The following CSMD1 variants were observed in gnomAD, a reference collection of about 807,000 sequenced individuals.
CSMD1 encodes CUB and Sushi multiple domains 1, also known as CUB and sushi domain-containing protein 1.
Under a neutral mutation model 417.5 loss-of-function variants are expected in CSMD1, and 213 were observed. That is an observed-to-expected ratio of 0.51 (90% CI 0.46 to 0.57). The LOEUF (loss-of-function observed/expected upper bound fraction) is 0.57. Among genes scored for constraint, CSMD1 ranks in the 20% least tolerant of loss-of-function variants. The pLI, the probability that CSMD1 is intolerant of heterozygous loss-of-function variation, is 0.00. For missense variants in CSMD1, 6,923 were observed against 4,529.7 expected (o/e 1.53, Z -15.17); for synonymous variants, 2,862 against 1,736.8 (o/e 1.65, Z -16.11).
chr8:3,984,927 T>G (rs1223813648), intron 5 of CSMD1, among the ~76,000 whole-genome samples: 1 of 151,934 alleles, frequency 6.6e-6, no homozygotes, highest in Non-Finnish European at 1.5e-5. Flanking sequence ...TGTAGTTCAT[T>G]ATAAGCCTTT....
At chr8:4,856,517 AC>A (rs999630197) in intron 1 of CSMD1, among the ~76,000 whole-genome samples, 26 of 139,420 alleles carry the variant, frequency 1.9e-4, no homozygotes, top group Admixed American at 1.3e-3. Flanking sequence ...TATTCAGGAA[AC>A]CCATCTCACG....
chr8:4,139,304 C>G (rs377456528), intron 3 of CSMD1, among the ~76,000 whole-genome samples: 42,880 of 148,206 alleles, frequency 0.29, 8,078 homozygotes, highest in Non-Finnish European at 0.38. Flanking sequence ...TTACAGCTGT[C>G]GTTATACTTA....
At chr8:3,700,053 G>C (rs993195034) in intron 7 of CSMD1, among the ~76,000 whole-genome samples, 4 of 152,308 alleles carry the variant, frequency 2.6e-5, no homozygotes, top group African/African-American at 9.6e-5. Context: ...GAACAAAGTA[G>C]AAAATATGCC....
chr8:3,652,077 C>T (rs1037408028), intron 7 of CSMD1, among the ~76,000 whole-genome samples: 28 of 149,586 alleles, frequency 1.9e-4, no homozygotes, highest in South Asian at 1.7e-3. Flanking sequence ...CCCATCAGAG[C>T]GCTTACCACC....
intron 7 of CSMD1, among the ~76,000 whole-genome samples, chr8:3,652,830 G>C (rs1366568502): frequency 1.3e-5 from 2 of 152,120 alleles, no homozygotes; most frequent in Admixed American, 6.5e-5. Context: ...ACTTTGTTTT[G>C]CTCACTACCG....
intron 3 of CSMD1, among the ~76,000 whole-genome samples, chr8:4,156,189 T>G (rs1364022754): frequency 6.6e-6 from 1 of 152,190 alleles, no homozygotes; most frequent in Non-Finnish European, 1.5e-5. Context: ...GAACAAGGTT[T>G]CATATCTGGA....
chr8:3,391,782 C>A (rs182271157), intron 17 of CSMD1, among the ~76,000 whole-genome samples: 2 of 152,316 alleles, frequency 1.3e-5, no homozygotes, highest in African/African-American at 4.8e-5. Flanking sequence ...ATTTCTGCAA[C>A]ACATTTTGTC....
intron 1 of CSMD1, among the ~76,000 whole-genome samples, chr8:4,880,858 T>C (rs1192547309): frequency 1.3e-5 from 2 of 152,276 alleles, no homozygotes; most frequent in East Asian, 3.9e-4. Flanking sequence ...TGATCTAAGC[T>C]ATTTAGTATT....
chr8:4,082,206 C>T (rs1800175009), intron 3 of CSMD1, among the ~76,000 whole-genome samples: 1 of 151,900 alleles, frequency 6.6e-6, no homozygotes, highest in Non-Finnish European at 1.5e-5. Flanking sequence ...AAATTTTTCC[C>T]CAAAATTATG....
At chr8:3,528,558 A>T (rs1405383613) in intron 10 of CSMD1, among the ~76,000 whole-genome samples, 4 of 152,018 alleles carry the variant, frequency 2.6e-5, no homozygotes, top group Non-Finnish European at 4.4e-5. Context: ...TTAATCAAAC[A>T]AAGTGTTTTG....
chr8:4,167,823 C>A (rs927453497), intron 3 of CSMD1, among the ~76,000 whole-genome samples: 1 of 152,076 alleles, frequency 6.6e-6, no homozygotes, highest in Non-Finnish European at 1.5e-5. Context: ...GACTCCATCT[C>A]TACCAAGAAT....
At chr8:3,347,121 C>T (rs147303920) in intron 22 of CSMD1, among the ~76,000 whole-genome samples, 21 of 152,304 alleles carry the variant, frequency 1.4e-4, no homozygotes, top group African/African-American at 4.8e-4. Context: ...AATATGTTTA[C>T]GAATTTGTGT....
At chr8:3,157,620 A>C (rs1004501277) in intron 39 of CSMD1, among the ~76,000 whole-genome samples, 1 of 152,224 alleles carries the variant, frequency 6.6e-6, no homozygotes, top group Non-Finnish European at 1.5e-5. Context: ...GCCTTCTGAC[A>C]CACATGTCGT....
At chr8:3,272,578 C>G (rs920568400) in intron 26 of CSMD1, among the ~76,000 whole-genome samples, 1 of 136,664 alleles carries the variant, frequency 7.3e-6, no homozygotes, top group African/African-American at 2.8e-5. Context: ...GAATGTTCTT[C>G]CATTTGTTTG....
At chr8:3,571,926 G>A (rs1436117131) in intron 10 of CSMD1, among the ~76,000 whole-genome samples, 1 of 152,182 alleles carries the variant, frequency 6.6e-6, no homozygotes, top group African/African-American at 2.4e-5. Context: ...ACAGGAAGAA[G>A]TGAAGTTACT....
chr8:4,547,409 T>G (rs1331254986), intron 2 of CSMD1, among the ~76,000 whole-genome samples: 1 of 152,222 alleles, frequency 6.6e-6, no homozygotes, highest in Non-Finnish European at 1.5e-5. Flanking sequence ...TGAGTGGATT[T>G]TAGAAGAAAA....
At chr8:3,898,124 A>T (rs1296830466) in intron 5 of CSMD1, among the ~76,000 whole-genome samples, 3 of 152,210 alleles carry the variant, frequency 2.0e-5, no homozygotes, top group African/African-American at 4.8e-5. Flanking sequence ...CATATAGCAG[A>T]GTTTCTACCA....
At chr8:4,877,680 C>T (rs960181458) in intron 1 of CSMD1, among the ~76,000 whole-genome samples, 2 of 152,158 alleles carry the variant, frequency 1.3e-5, no homozygotes, top group South Asian at 4.2e-4. Context: ...AAACTATCTC[C>T]CCTATTCCAT....
At chr8:3,949,176 G>A (rs750729901) in intron 5 of CSMD1, among the ~76,000 whole-genome samples, 4 of 152,120 alleles carry the variant, frequency 2.6e-5, no homozygotes, top group Non-Finnish European at 5.9e-5. Context: ...CATATGCATT[G>A]CTTTACATCC....
Sources: gnomAD v4.1 joint callset for allele counts (sites outside exome capture counted in the v4.1 genomes callset) on GRCh38, gnomAD v4.1.1 for gene constraint, MANE v1.5 for transcripts, NCBI Gene and HGNC (gene_info 2026-07-23, HGNC 2026-07-21) for gene names.